The following PHF12 variants were observed in gnomAD, a reference collection of about 807,000 sequenced individuals.
PHF12 encodes the protein PHD finger protein 12.
In PHF12, 6 loss-of-function variants were observed where a neutral mutation model predicts 99.8. That is an observed-to-expected ratio of 0.06 (90% confidence interval 0.03 to 0.12). The LOEUF (loss-of-function observed/expected upper bound fraction) is 0.12, where lower values mean the gene tolerates loss of function less well. PHF12 is among the 10% of genes least tolerant of loss of function. The pLI is 1.00. For synonymous variants in PHF12, 480 were observed against 514.9 expected (o/e 0.93, Z 0.92); for missense variants, 954 against 1,300.1 (o/e 0.73, Z 4.09).
At chr17:28,907,758 T>A in intron 12 of PHF12, 86 bp from the exon 13 acceptor site, 1 of 1,331,876 alleles carries the variant, frequency 7.5e-7, no homozygotes. Flanking sequence ...AGGGAGAGAG[T>A]TAGCTTCTGG....
intron 2 of PHF12, among the ~76,000 whole-genome samples, chr17:28,945,604 C>T (rs1023084369): frequency 6.6e-6 from 1 of 152,192 alleles, no homozygotes; most frequent in African/African-American, 2.4e-5. Context: ...AAGGTAATCA[C>T]AGGAAACCAG....
At chr17:28,941,961 G>T (rs1418830177) in intron 2 of PHF12, among the ~76,000 whole-genome samples, 3 of 152,164 alleles carry the variant, frequency 2.0e-5, no homozygotes, top group African/African-American at 7.2e-5. Context: ...CTCAAACACA[G>T]ACATTTTCTG....
intron 2 of PHF12, among the ~76,000 whole-genome samples, chr17:28,935,853 T>G (rs1488119482): frequency 6.6e-6 from 1 of 152,016 alleles, no homozygotes; most frequent in East Asian, 1.9e-4. Flanking sequence ...GCTGAGAAGG[T>G]TATCTAGATC....
In PHF12 at chr17:28,905,607, T is replaced by C. The variant is rs1410948383; in HGVS notation, c.*576A>G. 3 of 152,728 alleles carry C rather than the reference T, an allele frequency of 2.0e-5. No homozygotes were observed. Among genetic ancestry groups the C allele is most frequent in the South Asian group, 2.1e-4 (1 of 4,830 alleles). The allele number at this position is 152,728 out of a possible 1,614,324, so 9.5% of individuals were successfully genotyped here. On this transcript the variant is annotated 3_prime_UTR_variant, in exon 15 of 15. Transcript: ENST00000332830. Reference sequence around the variant, plus strand: ...GATGGACAGCCAGAAAAAGAATTCATTTCTCATTTGTCCATAATACACAGT... The same window carrying C: ...GATGGACAGCCAGAAAAAGAATTCACTTCTCATTTGTCCATAATACACAGT...
intron 13 of PHF12, 131 bp from the exon 14 acceptor site, chr17:28,907,125 C>T (rs972824282): frequency 1.0e-5 from 11 of 1,105,268 alleles, no homozygotes; most frequent in Non-Finnish European, 1.4e-5. Flanking sequence ...CAGTCATGGC[C>T]CCTGTCCTTT....
intron 2 of PHF12, among the ~76,000 whole-genome samples, chr17:28,933,000 G>A (rs907246477): frequency 2.6e-5 from 4 of 152,090 alleles, no homozygotes; most frequent in African/African-American, 4.8e-5. Context: ...TAAGCCTAGC[G>A]TGCAACTCTG....
chr17:28,928,609 C>G (rs1051298116), intron 2 of PHF12, among the ~76,000 whole-genome samples: 1 of 152,076 alleles, frequency 6.6e-6, no homozygotes, highest in Non-Finnish European at 1.5e-5. Flanking sequence ...CGGTGAAACC[C>G]CATCTCTATT....
intron 10 of PHF12, 176 bp downstream of exon 10, chr17:28,910,933 AAGG>A (rs1384921008): frequency 3.8e-6 from 3 of 783,220 alleles, no homozygotes; most frequent in Admixed American, 6.0e-5. Flanking sequence ...AGAGCTACAG[AAGG>A]AGCTTTCTTT....
At chr17:28,927,382 T>G (rs1450553581) in intron 2 of PHF12, among the ~76,000 whole-genome samples, 1 of 152,010 alleles carries the variant, frequency 6.6e-6, no homozygotes, top group Non-Finnish European at 1.5e-5. Context: ...CTTTTCTAAC[T>G]GCTGTTCAAA....
chr17:28,921,640 T>A, intron 5 of PHF12, 48 bp downstream of exon 5: 1 of 1,597,494 alleles, frequency 6.3e-7, no homozygotes, highest in South Asian at 1.1e-5. Context: ...AGAAAAAGTA[T>A]CATCTGCTAA....
Position 28,921,784 on chromosome 17 carries a change from T to A in PHF12, c.740A>T (p.Glu247Val). The change falls in exon 5 of 15, where the codon GAG (glutamate) becomes GTG (valine). Residue 247 changes from glutamate to valine, a missense_variant. Coordinates refer to ENST00000332830, the MANE Select transcript of PHF12 (RefSeq NM_001033561.2). Reference protein sequence around the residue: ...LPGSSKRRRKEETTGKNVKKT... With the variant: ...LPGSSKRRRKVETTGKNVKKT... The stretch of plus-strand genomic sequence containing the variant: ...CTTAACATTTTTCCCTGTGGTTTCC[T>A]CCTTTCTTCTCCTCTTGCTAGAACC... The A allele has an allele frequency of 6.2e-7, 1 of 1,614,166 alleles. No individual in the cohort carries two copies. Among genetic ancestry groups the A allele is most frequent in the Non-Finnish European group, 8.5e-7 (1 of 1,180,008 alleles).
chr17:28,950,366 T>C lies in PHF12; in HGVS notation c.67-120A>G, dbSNP rs2152680958. 1.8e-6 allele frequency: 2 copies of C among 1,113,912 alleles called. No individual in the cohort carries two copies. Among genetic ancestry groups the C allele is most frequent in the Middle Eastern group, 3.0e-4 (1 of 3,316 alleles). 69.0% of individuals were successfully genotyped at this position (1,113,912 alleles called of 1,614,324 possible). A position where few individuals can be genotyped will look rare whatever the true frequency, so the allele number is the denominator to read the frequency against. On this transcript the variant is annotated intron_variant, in intron 1 of 14. Coordinates refer to ENST00000332830, the MANE Select transcript of PHF12 (RefSeq NM_001033561.2). This position sits in a 1 kb window ranked among gnomAD's most constrained non-coding sequence, Gnocchi z 5.7. Reference sequence around the variant, plus strand: ...CCCCCTTTTGTCCTTCTTCCTCCCATCCAGGCTGCTCCCAGAATCTCTCAG... The same window carrying C: ...CCCCCTTTTGTCCTTCTTCCTCCCACCCAGGCTGCTCCCAGAATCTCTCAG...
Position 28,949,884 on chromosome 17 carries a change from C to G in PHF12, c.248+181G>C. The stretch of plus-strand genomic sequence containing the variant: ...GGGTCCGGACCCACCGCTGCTCCTC[C>G]CCGCTAAACTGCCAGAACCCGGCGG... On this transcript the variant is annotated intron_variant, in intron 2 of 14. Transcript: ENST00000332830. This position sits in a 1 kb window ranked among gnomAD's most constrained non-coding sequence, Gnocchi z 4.6. 4.5e-6 allele frequency: 3 copies of G among 668,720 alleles called. No individual in the cohort carries two copies. Among genetic ancestry groups the G allele is most frequent in the Non-Finnish European group, 7.4e-6 (3 of 407,100 alleles). 41.4% of individuals were successfully genotyped at this position (668,720 alleles called of 1,614,324 possible). A position where few individuals can be genotyped will look rare whatever the true frequency, so the allele number is the denominator to read the frequency against.
chr17:28,936,299 T>C (rs1377995452), intron 2 of PHF12, among the ~76,000 whole-genome samples: 1 of 152,018 alleles, frequency 6.6e-6, no homozygotes, highest in Non-Finnish European at 1.5e-5. Context: ...AGTTTCTCAG[T>C]CTGGAATTGG....
At chr17:28,922,256 CTTT>C (rs747387381) in intron 4 of PHF12, among the ~76,000 whole-genome samples, 1 of 152,114 alleles carries the variant, frequency 6.6e-6, no homozygotes, top group African/African-American at 2.4e-5. Context: ...ACTCAGCTAA[CTTT>C]TTTATTTTTA....
At chr17:28,910,902 G>A in intron 10 of PHF12, 2 of 612,930 alleles carry the variant, frequency 3.3e-6, no homozygotes, top group Non-Finnish European at 5.5e-6. Context: ...TTGATTATGT[G>A]TATATGCACA....
intron 6 of PHF12, among the ~76,000 whole-genome samples, chr17:28,918,330 G>A (rs905934300): frequency 3.3e-5 from 5 of 152,098 alleles, no homozygotes; most frequent in African/African-American, 1.2e-4. Flanking sequence ...AACAAGACTA[G>A]GAGAGAAACA....
At chr17:28,918,051 GA>G (rs1229772743) in intron 6 of PHF12, among the ~76,000 whole-genome samples, 1 of 152,210 alleles carries the variant, frequency 6.6e-6, no homozygotes, top group Non-Finnish European at 1.5e-5. Flanking sequence ...GCCAAAAGGA[GA>G]AAAGAAAGAA....
intron 6 of PHF12, 138 bp downstream of exon 6, chr17:28,919,005 A>C: frequency 9.3e-7 from 1 of 1,078,840 alleles, no homozygotes; most frequent in Non-Finnish European, 1.3e-6. Flanking sequence ...ATCAGAATTG[A>C]GTAGGGTGGC....
Sources: allele counts gnomAD v4.1 joint callset (sites outside exome capture counted in the v4.1 genomes callset), GRCh38; gene constraint gnomAD v4.1.1; non-coding constraint Gnocchi (gnomAD v3.1); transcripts MANE v1.5; gene names NCBI Gene and HGNC (gene_info 2026-07-23, HGNC 2026-07-21).